FOXM1: variants seen among roughly 807,000 people sequenced by gnomAD.
FOXM1 encodes forkhead box protein M1.
In FOXM1, 25 loss-of-function variants were observed where a neutral mutation model predicts 63.6. The ratio of observed to expected loss-of-function variants is 0.39; its 90% CI spans 0.29 to 0.55. The LOEUF (loss-of-function observed/expected upper bound fraction) is 0.55, where lower values mean the gene tolerates loss of function less well. FOXM1 is among the 20% of genes least tolerant of loss of function. The pLI is 0.60. For synonymous variants in FOXM1, 387 were observed against 376.9 expected, an observed-to-expected ratio of 1.03 and a Z score of -0.31; for missense variants, 879 against 958.7, an observed-to-expected ratio of 0.92 and a Z score of 1.10.
At chr12:2,860,783 A>G (rs2098110458) in intron 8 of FOXM1, among the ~76,000 whole-genome samples, 1 of 151,618 alleles carries the variant, frequency 6.6e-6, no homozygotes. Flanking sequence ...GAGGCACGAG[A>G]ATTGCTTGAA....
chr12:2,870,054 G>A (rs994687446), intron 3 of FOXM1, among the ~76,000 whole-genome samples: 5 of 149,400 alleles, frequency 3.3e-5, no homozygotes, highest in South Asian at 2.1e-4. Flanking sequence ...GTAATGGCAC[G>A]ATCTTGGCTC....
Position 2,858,463 on chromosome 12 carries a change from CAAGGTCCCAG to C in FOXM1, c.*165_*174del. On this transcript the variant is annotated 3_prime_UTR_variant, in exon 9 of 9. Transcript: ENST00000359843. ...AGGAATCAGATACTCTTGGGGAACA[CAAGGTCCCAG>C]CAGTGGCTAGGGTGTGACTGCTACT... 2 of 591,700 alleles carry C rather than the reference CAAGGTCCCAG, an allele frequency of 3.4e-6. No individual in the cohort carries two copies. The highest frequency in any genetic ancestry group is 5.9e-6 in the Non-Finnish European group (2 of 337,832). The allele number at this position is 591,700 out of a possible 1,614,324, so 36.7% of individuals were successfully genotyped here.
chr12:2,866,592 G>A (rs1266347894), intron 4 of FOXM1, 71 bp from the exon 5 acceptor site: 13 of 1,434,902 alleles, frequency 9.1e-6, no homozygotes, highest in Middle Eastern at 1.9e-4. Context: ...AAACACATGG[G>A]GAAACCAGCC....
chr12:2,871,566 C>G (rs1215152099), intron 3 of FOXM1, among the ~76,000 whole-genome samples: 1 of 152,004 alleles, frequency 6.6e-6, no homozygotes, highest in Non-Finnish European at 1.5e-5. Context: ...GTAGAAGGAT[C>G]AGTTGAGCCC....
chr12:2,874,118 G>C lies in FOXM1; in HGVS notation c.361C>G (p.Leu121Val). 6.2e-7 allele frequency: 1 copy of C among 1,614,194 alleles called. No individual in the cohort carries two copies. Among genetic ancestry groups the C allele is most frequent in the Non-Finnish European group, 8.5e-7 (1 of 1,180,036 alleles). Reference protein sequence around the residue: ...CGGAPTQPPGLRPQTQTSYDA... With the variant: ...CGGAPTQPPGVRPQTQTSYDA... ...TAGCTGGTTTGGGTTTGAGGCCGGA[G>C]TCCTGGAGGCTGAGTTGGGGCTCCC... The change falls in exon 2 of 9, where the codon CTC (leucine) becomes GTC (valine). Residue 121 changes from leucine (L) to valine (V), a missense_variant. Transcript: ENST00000359843. This position sits in a 1 kb window ranked among gnomAD's most constrained non-coding sequence, Gnocchi z 4.3.
intron 3 of FOXM1, among the ~76,000 whole-genome samples, chr12:2,870,570 G>T (rs2098131401): frequency 6.6e-6 from 1 of 151,806 alleles, no homozygotes; most frequent in Admixed American, 6.6e-5. Context: ...GGCTGAGGCA[G>T]GAGAATCACT....
rs370402432 is a variant in FOXM1 at position 2,859,316 on chromosome 12, C to T, written c.1614G>A (p.Arg538=). The change falls in exon 9 of 9, where the codon AGG becomes AGA. Residue 538 remains arginine (R), a synonymous_variant. Transcript: ENST00000359843. ...SEMLVIQHRE[R]RERSRSRRKQ... ...TTCTCCGAGACCGGCTCCTCTCCCT[C>T]CTCTCCCTGTGTTGAATCACAAGCA... is the stretch of plus-strand genomic sequence containing the variant. 78 of 1,613,532 alleles carry T rather than the reference C, an allele frequency of 4.8e-5. No homozygotes were observed. In the African/African-American group the frequency reaches 9.3e-4, roughly 19 times the overall value.
At chr12:2,870,186 G>T (rs927580421) in intron 3 of FOXM1, among the ~76,000 whole-genome samples, 1 of 151,644 alleles carries the variant, frequency 6.6e-6, no homozygotes, top group African/African-American at 2.4e-5. Flanking sequence ...GGCGGGGTCA[G>T]GCTGGTCTGG....
In FOXM1 at chr12:2,858,776, C is replaced by G. The variant is rs150424596; in HGVS notation, c.2154G>C (p.Leu718=). Residue 718 remains leucine (L), a synonymous_variant, in exon 9 of 9, where the codon CTG becomes CTC. Transcript: ENST00000359843. ...QVSGLAANRS[L]TEGLVLDTMN... The stretch of plus-strand genomic sequence containing the variant: ...TTGTGTCCAGGACCAGGCCTTCTGT[C>G]AGAGAACGATTGGCTGCAAGGCCAG... 11 of 1,614,194 alleles carry G rather than the reference C, an allele frequency of 6.8e-6. No individual in the cohort carries two copies. The African/African-American group carries it at 1.5e-4, about 22-fold the overall frequency.
At chr12:2,866,668 C>T (rs906222947) in intron 4 of FOXM1, 147 bp from the exon 5 acceptor site, 3 of 693,462 alleles carry the variant, frequency 4.3e-6, no homozygotes, top group Non-Finnish European at 6.5e-6. Context: ...CTTGGCAACT[C>T]TCCTGACACT....
intron 3 of FOXM1, among the ~76,000 whole-genome samples, chr12:2,870,757 A>C (rs1358668473): frequency 6.8e-6 from 1 of 146,464 alleles, no homozygotes; most frequent in Non-Finnish European, 1.5e-5. Flanking sequence ...TCAGGAGTTC[A>C]AGACCAGCCT....
intron 4 of FOXM1, 120 bp from the exon 5 acceptor site, chr12:2,866,641 G>A (rs1427907146): frequency 3.7e-6 from 4 of 1,091,764 alleles, no homozygotes; most frequent in Non-Finnish European, 4.9e-6. Context: ...GGCTTCGTCT[G>A]GTGTCTTTGC....
chr12:2,858,849 G>T lies in FOXM1; in HGVS notation c.2081C>A (p.Pro694His). Residue 694 changes from proline (P) to histidine (H), a missense_variant, in exon 9 of 9, where the codon CCC becomes CAC. Coordinates refer to ENST00000359843, the MANE Select transcript of FOXM1 (RefSeq NM_021953.4). Reference sequence around the variant, plus strand: ...TGGCTTGGGGACGTCTATATCTGAGGGAGAAGAGTTGCCAAAGGGGACGGA... The same window carrying T: ...TGGCTTGGGGACGTCTATATCTGAGTGAGAAGAGTTGCCAAAGGGGACGGA... Reference protein sequence around the residue: ...LISVPFGNSSPSDIDVPKPGS... With the variant: ...LISVPFGNSSHSDIDVPKPGS... 1 of 1,614,152 alleles carries T rather than the reference G, an allele frequency of 6.2e-7. No individual in the cohort carries two copies. The highest frequency in any genetic ancestry group is 8.5e-7 in the Non-Finnish European group (1 of 1,180,012).
intron 8 of FOXM1, among the ~76,000 whole-genome samples, chr12:2,861,885 T>TA (rs1364714205): frequency 6.6e-6 from 1 of 152,100 alleles, no homozygotes; most frequent in Non-Finnish European, 1.5e-5. Context: ...ATTGTTGAGT[T>TA]AGAGACATGT....
chr12:2,870,852 A>C (rs2098131965), intron 3 of FOXM1, among the ~76,000 whole-genome samples: 1 of 149,796 alleles, frequency 6.7e-6, no homozygotes, highest in Non-Finnish European at 1.5e-5. Context: ...CCAGCTACTC[A>C]GAAGTCTGAG....
In FOXM1 at chr12:2,872,250, A is replaced by G; in HGVS notation, c.503-3T>C. On this transcript the variant is annotated splice_polypyrimidine_tract_variant and splice_region_variant and intron_variant, in intron 2 of 8. Transcript: ENST00000359843. The surrounding 1 kb of genome is among the most constrained non-coding windows in gnomAD (Gnocchi z 4.0). The stretch of plus-strand genomic sequence containing the variant: ...GCAGCCTGCTGCCTCACCATCTGCT[A>G]GAGGGAAAATAATCCAACACCCCAC... 1.2e-6 allele frequency: 2 copies of G among 1,614,020 alleles called. No individual in the cohort carries two copies. The highest frequency in any genetic ancestry group is 1.7e-6 in the Non-Finnish European group (2 of 1,179,928).
At chr12:2,861,083 G>A (rs1480971953) in intron 8 of FOXM1, among the ~76,000 whole-genome samples, 3 of 150,654 alleles carry the variant, frequency 2.0e-5, no homozygotes, top group African/African-American at 7.4e-5. Flanking sequence ...CAGGAGAATC[G>A]CTTGAACCCA....
rs2098135644 is a variant in FOXM1, at chr12:2,872,933, A to ACC, written c.503-687_503-686insGG. ...ACTGGGAATGATGGTGCATGCCTATAGTCCCAGCTACTTGGGAGGCTGATG... is the reference window on the plus strand; with the variant it reads ...ACTGGGAATGATGGTGCATGCCTATACCGTCCCAGCTACTTGGGAGGCTGATG... On this transcript the variant is annotated intron_variant, in intron 2 of 8. Coordinates refer to ENST00000359843, the MANE Select transcript of FOXM1 (RefSeq NM_021953.4). The surrounding 1 kb of genome is among the most constrained non-coding windows in gnomAD (Gnocchi z 4.0). Among the ~76,000 whole-genome samples the ACC allele has an allele frequency of 6.6e-6, 1 of 152,196 alleles. No individual in the cohort carries two copies. The highest frequency in any genetic ancestry group is 1.5e-5 in the Non-Finnish European group (1 of 68,028).
intron 8 of FOXM1, among the ~76,000 whole-genome samples, chr12:2,862,446 G>A (rs1041507804): frequency 2.0e-5 from 3 of 152,120 alleles, no homozygotes; most frequent in African/African-American, 7.2e-5. Flanking sequence ...CCCAAACAGG[G>A]CACATGCTAC....
Sources: allele counts gnomAD v4.1 joint callset (sites outside exome capture counted in the v4.1 genomes callset), GRCh38; gene constraint gnomAD v4.1.1; non-coding constraint Gnocchi (gnomAD v3.1); transcripts MANE v1.5; gene names NCBI Gene and HGNC (gene_info 2026-07-23, HGNC 2026-07-21).